NOL4: variants seen among roughly 807,000 people sequenced by gnomAD.
NOL4 encodes cancer/testis antigen 125.
NOL4 carries 17 observed loss-of-function variants against 75.9 expected under a neutral mutation model. The observed-to-expected ratio is 0.22, with a 90% CI of 0.15 to 0.34. The LOEUF is 0.34. Ranked by LOEUF, NOL4 falls within the 10% of genes least tolerant of loss-of-function variation. The pLI, the probability that NOL4 is intolerant of heterozygous loss-of-function variation, is 1.00. For missense variants in NOL4, 614 were observed against 793.5 expected, an observed-to-expected ratio of 0.77 and a Z score of 2.72; for synonymous variants, 292 against 289.9, an observed-to-expected ratio of 1.01 and a Z score of -0.07.
intron 5 of NOL4, among the ~76,000 whole-genome samples, chr18:34,041,839 A>G (rs567599853): frequency 1.3e-5 from 2 of 152,042 alleles, no homozygotes; most frequent in Non-Finnish European, 2.9e-5. Context: ...GCCATATTGT[A>G]ATGTTGATTA....
At chr18:34,004,546 A>G (rs2073923568) in intron 6 of NOL4, among the ~76,000 whole-genome samples, 1 of 152,002 alleles carries the variant, frequency 6.6e-6, no homozygotes, top group African/African-American at 2.4e-5. Context: ...TATCCTTAAC[A>G]TTTTACTCAG....
intron 1 of NOL4, among the ~76,000 whole-genome samples, chr18:34,188,577 A>T (rs2034670141): frequency 1.3e-5 from 2 of 152,230 alleles, no homozygotes; most frequent in Non-Finnish European, 2.9e-5. Flanking sequence ...TGTCTGATAC[A>T]ATCCTATTTT....
chr18:33,980,405 T>G (rs765431968), intron 6 of NOL4, among the ~76,000 whole-genome samples: 31 of 152,054 alleles, frequency 2.0e-4, no homozygotes, highest in Admixed American at 1.6e-3. Context: ...AAAATACCCT[T>G]AGGCTTATAG....
chr18:34,223,633 A>C lies in NOL4; in HGVS notation c.-380T>G. 5.4e-6 allele frequency: 1 copy of C among 186,490 alleles called. No homozygotes were observed. The highest frequency in any genetic ancestry group is 1.1e-5 in the Non-Finnish European group (1 of 89,720). The allele number at this position is 186,490 out of a possible 1,614,324, so 11.6% of individuals were successfully genotyped here. A position where few individuals can be genotyped will look rare whatever the true frequency, so the allele number is the denominator to read the frequency against. Reference sequence around the variant, plus strand: ...GGTTTATTAAAAATCCCAATATTGAATTGGGGTGGTCCCTAGACGCCTCGC... The same window carrying C: ...GGTTTATTAAAAATCCCAATATTGACTTGGGGTGGTCCCTAGACGCCTCGC... On this transcript the variant is annotated 5_prime_UTR_variant, in exon 1 of 11. Transcript: ENST00000261592.
intron 1 of NOL4, among the ~76,000 whole-genome samples, chr18:34,213,308 G>C (rs1411474832): frequency 1.3e-5 from 2 of 152,012 alleles, no homozygotes; most frequent in South Asian, 2.1e-4. Flanking sequence ...TTTTTCTTTT[G>C]AGATGGAGTC....
intron 10 of NOL4, among the ~76,000 whole-genome samples, chr18:33,862,113 C>G (rs891541231): frequency 2.5e-4 from 38 of 152,060 alleles, no homozygotes; most frequent in African/African-American, 9.2e-4. Flanking sequence ...AGAAATAAAG[C>G]CACATATCTA....
chr18:34,093,960 TGAACC>T (rs2078647177), intron 4 of NOL4, among the ~76,000 whole-genome samples: 1 of 152,046 alleles, frequency 6.6e-6, no homozygotes, highest in Non-Finnish European at 1.5e-5. Flanking sequence ...GAGAATGGCT[TGAACC>T]CAGGAGGCAG....
intron 4 of NOL4, among the ~76,000 whole-genome samples, chr18:34,098,627 A>G (rs1460144594): frequency 6.6e-6 from 1 of 152,188 alleles, no homozygotes. Context: ...GGGGTGGTAC[A>G]TAGCAAAAGA....
chr18:34,020,824 T>C (rs908563001), intron 5 of NOL4, among the ~76,000 whole-genome samples: 2 of 152,168 alleles, frequency 1.3e-5, no homozygotes, highest in Admixed American at 1.3e-4. Flanking sequence ...TTATCTTATA[T>C]GATAAAAATT....
rs1353782429 is a variant in NOL4 at position 33,852,138 on chromosome 18, T to C, written c.*704A>G. The C allele has an allele frequency of 6.6e-6, 1 of 152,522 alleles. No individual in the cohort carries two copies. The highest frequency in any genetic ancestry group is 2.4e-5 in the African/African-American group (1 of 41,420). The allele number at this position is 152,522 out of a possible 1,614,324, so 9.4% of individuals were successfully genotyped here. ...CAGAAATGCAGGCTTCTCTTGGAAG[T>C]AGTTCCTGATGTGACGATTGAAAGA... On this transcript the variant is annotated 3_prime_UTR_variant, in exon 11 of 11. Coordinates refer to ENST00000261592, the MANE Select transcript of NOL4 (RefSeq NM_003787.5).
At chr18:34,112,248 A>G (rs2079625312) in intron 2 of NOL4, among the ~76,000 whole-genome samples, 1 of 151,990 alleles carries the variant, frequency 6.6e-6, no homozygotes, top group Admixed American at 6.6e-5. Flanking sequence ...AGGTACCTGT[A>G]ATCCCTGCTA....
At chr18:34,218,578 T>C (rs1023108043) in intron 1 of NOL4, among the ~76,000 whole-genome samples, 2 of 152,192 alleles carry the variant, frequency 1.3e-5, no homozygotes, top group African/African-American at 2.4e-5. Context: ...TCATAGATGA[T>C]TTATTCTTCA....
rs577997363 is a variant in NOL4 at position 34,210,893 on chromosome 18, T to C, written c.264+12097A>G. ...AGAGCACCATTTATAGTGGAATAGA[T>C]ATATAATTTGTTTATATAAGGACAG... On this transcript the variant is annotated intron_variant, in intron 1 of 10. Transcript: ENST00000261592. Among the ~76,000 whole-genome samples, 20 of 152,316 alleles carry C rather than the reference T, an allele frequency of 1.3e-4. No homozygotes were observed. The Middle Eastern group carries it at 0.01, about 78-fold the overall frequency.
intron 1 of NOL4, among the ~76,000 whole-genome samples, chr18:34,209,918 G>A: frequency 6.6e-6 from 1 of 152,104 alleles, no homozygotes; most frequent in East Asian, 1.9e-4. Context: ...GAAACACTAA[G>A]TTCCTCAGTT....
intron 1 of NOL4, among the ~76,000 whole-genome samples, chr18:34,214,068 T>C (rs2036701673): frequency 6.6e-6 from 1 of 152,162 alleles, no homozygotes; most frequent in Non-Finnish European, 1.5e-5. Flanking sequence ...CTCCTTAGTT[T>C]CCCTCTACAT....
intron 4 of NOL4, among the ~76,000 whole-genome samples, chr18:34,097,811 C>G (rs558285895): frequency 6.6e-6 from 1 of 152,238 alleles, no homozygotes; most frequent in South Asian, 2.1e-4. Flanking sequence ...TCATATATCA[C>G]ATTCCTTAGG....
At chr18:34,019,288 A>G in intron 6 of NOL4, 30 bp downstream of exon 6, 1 of 1,596,982 alleles carries the variant, frequency 6.3e-7, no homozygotes, top group Non-Finnish European at 8.6e-7. Context: ...GACCAACTCA[A>G]AAATTCTGGA....
At chr18:34,059,278 C>G (rs562288334) in intron 5 of NOL4, among the ~76,000 whole-genome samples, 84 of 151,784 alleles carry the variant, frequency 5.5e-4, no homozygotes, top group Non-Finnish European at 1.1e-3. Flanking sequence ...TCTTATGCAG[C>G]CTTCTTTCTC....
At chr18:34,023,641 G>T in intron 5 of NOL4, 1 of 310,120 alleles carries the variant, frequency 3.2e-6, no homozygotes, top group Non-Finnish European at 6.8e-6. Context: ...AAATAAGAGT[G>T]CCCAGGGTAC....
Sources: gnomAD v4.1 joint callset for allele counts (sites outside exome capture counted in the v4.1 genomes callset) on GRCh38, gnomAD v4.1.1 for gene constraint, MANE v1.5 for transcripts, NCBI Gene and HGNC (gene_info 2026-07-23, HGNC 2026-07-21) for gene names.